KRTAP5-5: variants seen among roughly 807,000 people sequenced by gnomAD.
The protein encoded by KRTAP5-5 is keratin associated protein 5-5.
A neutral mutation model predicts 2.8 loss-of-function variants in KRTAP5-5; 1 was observed. That is an observed-to-expected ratio of 0.35 (90% CI 0.13 to 1.67). The LOEUF is 1.67. Among genes scored for constraint, KRTAP5-5 ranks in the 40% most tolerant of loss-of-function variants. The pLI is 0.35. For synonymous variants in KRTAP5-5, 83 were observed against 110.6 expected, an observed-to-expected ratio of 0.75 and a Z score of 1.57; for missense variants, 134 against 270.9, an observed-to-expected ratio of 0.49 and a Z score of 3.55.
exon 1 of KRTAP5-5, chr11:1,630,076 G>A: frequency 6.2e-7 from 1 of 1,612,130 alleles, no homozygotes; most frequent in Non-Finnish European, 8.5e-7. Context: ...GTGCCAGCTT[G>A]TTCCTGCTCC....
exon 1 of KRTAP5-5, chr11:1,630,689 C>A: frequency 8.6e-7 from 1 of 1,159,888 alleles, no homozygotes; most frequent in Non-Finnish European, 1.3e-6. Flanking sequence ...CCAGTGCTCC[C>A]GAAACTGACT....
exon 1 of KRTAP5-5, chr11:1,630,459 G>A (rs1388088210): frequency 6.3e-7 from 1 of 1,589,208 alleles, no homozygotes; most frequent in African/African-American, 1.4e-5. Context: ...CTGCTTCTCA[G>A]GCTGTGGATC....
chr11:1,630,894 C>T (rs865975659), downstream of KRTAP5-5, among the ~76,000 whole-genome samples: 1 of 152,168 alleles, frequency 6.6e-6, no homozygotes, highest in Admixed American at 6.5e-5. Flanking sequence ...AAGACTGAAT[C>T]CTGACCCTCT....
rs748762627 is a variant in KRTAP5-5 at position 1,630,055 on chromosome 11, T to C, written c.215T>C (p.Met72Thr). ...GTGCCTGTCTGCTGCTGCAAGCCCA[T>C]GTGCTGCTGTGTGCCAGCTTGTTCC... The change falls in exon 1 of 1, where the codon ATG (methionine) becomes ACG (threonine). Residue 72 changes from methionine (M) to threonine (T), a missense_variant. Met to Thr is a moderately conservative substitution (Grantham distance 81). Coordinates refer to ENST00000399676, the Ensembl canonical transcript of KRTAP5-5. 236 of 1,601,626 alleles carry C rather than the reference T, an allele frequency of 1.5e-4. No individual in the cohort carries two copies. Among genetic ancestry groups the C allele is most frequent in the Non-Finnish European group, 1.9e-4 (224 of 1,175,048 alleles).
At chr11:1,629,813 C>G in exon 1 of KRTAP5-5, 2 of 1,611,412 alleles carry the variant, frequency 1.2e-6, no homozygotes, top group Non-Finnish European at 1.7e-6. Flanking sequence ...TGCTCCTCTA[C>G]CTGCTCCACC....
rs1849726689 is a variant in KRTAP5-5 at position 1,629,981 on chromosome 11, CTGTGGCTCCGGCTGTGCGGGCT to C, written c.142_163del (p.Cys48ValfsTer196). 1 of 557,514 alleles carries C rather than the reference CTGTGGCTCCGGCTGTGCGGGCT, an allele frequency of 1.8e-6. No individual in the cohort carries two copies. Among genetic ancestry groups the C allele is most frequent in the African/African-American group, 4.0e-5 (1 of 25,020 alleles). 34.5% of individuals were successfully genotyped at this position (557,514 alleles called of 1,614,324 possible). ...GCTCCGGCTGTGGAGGCTGTGGGGG[CTGTGGCTCCGGCTGTGCGGGCT>C]GTGGGGGATGTGGCTCCGGCTGCTG... On this transcript the variant is annotated frameshift_variant, in exon 1 of 1. Transcript: ENST00000399676. LOFTEE classifies it low-confidence loss of function (END_TRUNC).
Position 1,629,906 on chromosome 11 carries a change from G to A in KRTAP5-5, c.66G>A (p.Gly22=), listed in dbSNP as rs927570264. 3.1e-5 allele frequency: 50 copies of A among 1,602,362 alleles called. 1 individual carries two copies. Among genetic ancestry groups the A allele is most frequent in the Admixed American group, 1.5e-4 (9 of 59,394 alleles). The change falls in exon 1 of 1, where the codon GGG becomes GGA. Residue 22 remains glycine, a synonymous_variant. Transcript: ENST00000399676. Reference sequence around the variant, plus strand: ...GTGGAGGCCGTGGCTCCGGCTGTGGGGGCTGTGGCTCCGGCTGTGGAGGCT... The same window carrying A: ...GTGGAGGCCGTGGCTCCGGCTGTGGAGGCTGTGGCTCCGGCTGTGGAGGCT...
chr11:1,629,996 T>A lies in KRTAP5-5; in HGVS notation c.156T>A (p.Cys52Ter). The change falls in exon 1 of 1, where the codon TGT (cysteine) becomes TGA (stop). Residue 52 changes from cysteine (C) to a stop codon, truncating the protein, a stop_gained. Transcript: ENST00000399676. LOFTEE classifies it low-confidence loss of function (END_TRUNC). ...GCTGTGGGGGCTGTGGCTCCGGCTG[T>A]GCGGGCTGTGGGGGATGTGGCTCCG... The A allele has an allele frequency of 1.5e-6, 1 of 670,532 alleles. No individual in the cohort carries two copies. 41.5% of individuals were successfully genotyped at this position (670,532 alleles called of 1,614,324 possible).
exon 1 of KRTAP5-5, chr11:1,630,020 C>A: frequency 1.3e-6 from 2 of 1,593,962 alleles, no homozygotes; most frequent in South Asian, 1.1e-5. Context: ...GATGTGGCTC[C>A]GGCTGCTGTG....
At chr11:1,630,509 C>T in exon 1 of KRTAP5-5, 1 of 1,614,018 alleles carries the variant, frequency 6.2e-7, no homozygotes, top group African/African-American at 1.3e-5. Flanking sequence ...CCTGCTGCTG[C>T]CAGTCCAGCT....
At chr11:1,629,939 T>TGGCTGTGGA (rs1554948344) in exon 1 of KRTAP5-5, 6 of 1,318,854 alleles carry the variant, frequency 4.5e-6, no homozygotes, top group Non-Finnish European at 6.3e-6. Context: ...GCTGTGGCTC[T>TGGCTGTGGA]GGCTGTGGGG....
exon 1 of KRTAP5-5, chr11:1,630,574 A>G (rs1849748680): frequency 6.2e-7 from 1 of 1,610,500 alleles, no homozygotes; most frequent in Admixed American, 1.7e-5. Flanking sequence ...TGCAGACTGC[A>G]GGTGGCCTGA....
exon 1 of KRTAP5-5, chr11:1,630,703 G>T: frequency 9.5e-7 from 1 of 1,047,250 alleles, no homozygotes; most frequent in South Asian, 1.5e-5. Context: ...ACTGACTGAG[G>T]ACCCCTTCTG....
rs778083041 is a variant in KRTAP5-5 at position 1,630,599 on chromosome 11, G to A, written c.*45G>A. On this transcript the variant is annotated 3_prime_UTR_variant, in exon 1 of 1. Transcript: ENST00000399676. ...AGGTGGCCTGACTGGTGAAGGGCCCGGCTGCCCAGCTTCCTTGCCCTGGGT... is the reference window on the plus strand; with the variant it reads ...AGGTGGCCTGACTGGTGAAGGGCCCAGCTGCCCAGCTTCCTTGCCCTGGGT... 422 of 1,611,290 alleles carry A rather than the reference G, an allele frequency of 2.6e-4. No homozygotes were observed. In the East Asian group the frequency reaches 5.4e-3, roughly 21 times the overall value.
chr11:1,630,742 T>C (rs1849751176), downstream of KRTAP5-5: 1 of 768,172 alleles, frequency 1.3e-6, no homozygotes, highest in Non-Finnish European at 2.1e-6. Flanking sequence ...CTCCTGAACT[T>C]CCTCTCCCTG....
exon 1 of KRTAP5-5, chr11:1,630,695 T>A: frequency 9.0e-7 from 1 of 1,111,956 alleles, no homozygotes; most frequent in Non-Finnish European, 1.3e-6. Flanking sequence ...CTCCCGAAAC[T>A]GACTGAGGAC....
exon 1 of KRTAP5-5, chr11:1,630,344 C>T (rs1849741363): frequency 1.9e-6 from 3 of 1,612,680 alleles, no homozygotes; most frequent in Admixed American, 1.7e-5. Context: ...GCTCCTCAGG[C>T]TGTGGGTCAT....
At chr11:1,630,580 C>G (rs750042893) in exon 1 of KRTAP5-5, 3 of 1,611,134 alleles carry the variant, frequency 1.9e-6, no homozygotes, top group Non-Finnish European at 2.5e-6. Context: ...CTGCAGGTGG[C>G]CTGACTGGTG....
Position 1,630,223 on chromosome 11 carries a change from GC to G in KRTAP5-5, c.384del (p.Cys129ValfsTer122). 1 of 430,306 alleles carries G rather than the reference GC, an allele frequency of 2.3e-6. No homozygotes were observed. Among genetic ancestry groups the G allele is most frequent in the Non-Finnish European group, 4.1e-6 (1 of 242,628 alleles). 26.7% of individuals were successfully genotyped at this position (430,306 alleles called of 1,614,324 possible). A position where few individuals can be genotyped will look rare whatever the true frequency, so the allele number is the denominator to read the frequency against. ...GGCTCCTGTGGGGGGTCCAAGGGGGGCTGTGGCTCCTGTGGGGGGTCCAAGG... is the reference window on the plus strand; with the variant it reads ...GGCTCCTGTGGGGGGTCCAAGGGGGGTGTGGCTCCTGTGGGGGGTCCAAGG... On this transcript the variant is annotated frameshift_variant, in exon 1 of 1. Transcript: ENST00000399676. LOFTEE classifies it low-confidence loss of function (END_TRUNC).
Sources: allele counts gnomAD v4.1 joint callset (sites outside exome capture counted in the v4.1 genomes callset), GRCh38; gene constraint gnomAD v4.1.1; transcripts MANE v1.5; gene names NCBI Gene and HGNC (gene_info 2026-07-23, HGNC 2026-07-21).